WWOX: variants seen among roughly 807,000 people sequenced by gnomAD.
WWOX encodes the protein WW domain containing oxidoreductase.
In WWOX, 69 loss-of-function variants were observed where a neutral mutation model predicts 46.2. That is an observed-to-expected ratio of 1.49 (90% CI 1.23 to 1.82). The LOEUF (loss-of-function observed/expected upper bound fraction) is 1.82, where lower values mean the gene tolerates loss of function less well. Ranked by LOEUF, WWOX falls within the 40% of genes most tolerant of loss-of-function variation. The pLI is 0.00. For synonymous variants in WWOX, 359 were observed against 202.6 expected (o/e 1.77, Z -6.56); for missense variants, 919 against 542.6 (o/e 1.69, Z -6.89).
At chr16:78,563,266 T>C (rs183979076) in intron 8 of WWOX, among the ~76,000 whole-genome samples, 119 of 152,340 alleles carry the variant, frequency 7.8e-4, no homozygotes, top group African/African-American at 2.7e-3. Flanking sequence ...TCTATTTTCC[T>C]GTGTATGGGG....
chr16:78,611,708 C>G (rs1044313749), intron 8 of WWOX, among the ~76,000 whole-genome samples: 1 of 152,224 alleles, frequency 6.6e-6, no homozygotes, highest in Admixed American at 6.5e-5. Context: ...CTTTCAGCAA[C>G]TCATATATTT....
intron 8 of WWOX, among the ~76,000 whole-genome samples, chr16:78,978,599 C>T (rs1286660329): frequency 6.6e-6 from 1 of 152,096 alleles, no homozygotes; most frequent in African/African-American, 2.4e-5. Flanking sequence ...GCACAGGAAG[C>T]ATAGAAGCTT....
intron 5 of WWOX, among the ~76,000 whole-genome samples, chr16:78,289,036 G>A (rs369899623): frequency 1.3e-5 from 2 of 152,178 alleles, no homozygotes; most frequent in African/African-American, 2.4e-5. Flanking sequence ...AACACAAGGC[G>A]TGCCAACAGC....
At chr16:79,188,263 C>G (rs963174002) in intron 8 of WWOX, among the ~76,000 whole-genome samples, 7 of 152,138 alleles carry the variant, frequency 4.6e-5, no homozygotes, top group Admixed American at 3.3e-4. Context: ...CCTCTGTACC[C>G]AAAAGGAAAT....
Position 78,457,388 on chromosome 16 carries a change from G to C in WWOX, c.1056+24636G>C, listed in dbSNP as rs2083844741. ...ATGACTAAGTACAGGTCTTTAGATA[G>C]AGAGCTGCACCAACCAGGTATTGCT... On this transcript the variant is annotated intron_variant, in intron 8 of 8. Coordinates refer to ENST00000566780, the MANE Select transcript of WWOX (RefSeq NM_016373.4). Among the ~76,000 whole-genome samples the C allele has an allele frequency of 2.6e-5, 4 of 152,176 alleles. No homozygotes were observed. In the South Asian group the frequency reaches 8.3e-4, roughly 32 times the overall value.
chr16:78,953,021 C>G (rs577898301), intron 8 of WWOX, among the ~76,000 whole-genome samples: 2 of 142,986 alleles, frequency 1.4e-5, no homozygotes, highest in Non-Finnish European at 3.1e-5. Context: ...TTATTGCTTC[C>G]CTGGATTTTT....
intron 8 of WWOX, among the ~76,000 whole-genome samples, chr16:78,905,144 C>A (rs978895271): frequency 4.6e-5 from 7 of 152,010 alleles, no homozygotes; most frequent in African/African-American, 1.7e-4. Context: ...TGGAACTGAC[C>A]CTCTATGAGG....
chr16:78,380,524 G>C (rs1305207052), intron 5 of WWOX, among the ~76,000 whole-genome samples: 1 of 152,130 alleles, frequency 6.6e-6, no homozygotes, highest in Non-Finnish European at 1.5e-5. Flanking sequence ...AGTGAAGAGT[G>C]AAGCACTGCA....
intron 8 of WWOX, among the ~76,000 whole-genome samples, chr16:78,573,139 G>T (rs1597287980): frequency 6.6e-6 from 1 of 152,202 alleles, no homozygotes; most frequent in East Asian, 1.9e-4. Context: ...CAAAAAATTA[G>T]CCAGGCATGG....
chr16:78,435,650 G>C (rs952067457), intron 8 of WWOX, among the ~76,000 whole-genome samples: 1 of 152,126 alleles, frequency 6.6e-6, no homozygotes, highest in African/African-American at 2.4e-5. Context: ...CCTTGTAGTT[G>C]AGATGGGATT....
intron 8 of WWOX, among the ~76,000 whole-genome samples, chr16:78,787,709 C>A (rs552823165): frequency 1.4e-3 from 206 of 152,216 alleles, no homozygotes; most frequent in Non-Finnish European, 2.5e-3. Context: ...GGTAATATGG[C>A]AATTTTATAT....
At chr16:78,912,253 G>T (rs911349775) in intron 8 of WWOX, among the ~76,000 whole-genome samples, 1 of 151,978 alleles carries the variant, frequency 6.6e-6, no homozygotes, top group Non-Finnish European at 1.5e-5. Flanking sequence ...CATTAACACA[G>T]GTAATCAGGA....
intron 8 of WWOX, among the ~76,000 whole-genome samples, chr16:78,887,394 C>T (rs1029978268): frequency 4.0e-5 from 6 of 151,228 alleles, no homozygotes; most frequent in African/African-American, 9.7e-5. Context: ...CATTCGCTTC[C>T]AAGGCACCTG....
chr16:79,122,709 C>G (rs2049664523), intron 8 of WWOX, among the ~76,000 whole-genome samples: 1 of 152,106 alleles, frequency 6.6e-6, no homozygotes, highest in African/African-American at 2.4e-5. Context: ...GCTAGGATAA[C>G]TGAGGTAAAA....
chr16:78,680,084 C>G (rs914205517), intron 8 of WWOX, among the ~76,000 whole-genome samples: 5 of 152,234 alleles, frequency 3.3e-5, no homozygotes, highest in African/African-American at 1.2e-4. Context: ...TTAGCTTCAG[C>G]CCTCACAGGC....
At chr16:78,404,289 G>T (rs2082475776) in intron 6 of WWOX, among the ~76,000 whole-genome samples, 1 of 152,002 alleles carries the variant, frequency 6.6e-6, no homozygotes, top group South Asian at 2.1e-4. Context: ...TTATTTTTCG[G>T]GGATTTTGTA....
intron 8 of WWOX, among the ~76,000 whole-genome samples, chr16:79,050,397 T>C (rs1293154870): frequency 6.6e-6 from 1 of 152,334 alleles, no homozygotes; most frequent in East Asian, 1.9e-4. Context: ...GACATGACTT[T>C]CTTATGGCAA....
intron 5 of WWOX, among the ~76,000 whole-genome samples, chr16:78,227,409 G>A (rs1215880830): frequency 2.0e-5 from 3 of 152,070 alleles, no homozygotes; most frequent in African/African-American, 4.8e-5. Context: ...GGGGACCGAG[G>A]GAATAAAGAA....
At chr16:79,170,748 C>T (rs927021310) in intron 8 of WWOX, among the ~76,000 whole-genome samples, 2 of 151,392 alleles carry the variant, frequency 1.3e-5, no homozygotes, top group African/African-American at 2.4e-5. Context: ...CTGTATGTTT[C>T]TAAATTTAGA....
Sources: gnomAD v4.1 joint callset for allele counts (sites outside exome capture counted in the v4.1 genomes callset) on GRCh38, gnomAD v4.1.1 for gene constraint, MANE v1.5 for transcripts, NCBI Gene and HGNC (gene_info 2026-07-23, HGNC 2026-07-21) for gene names.